The following PRKCE variants were observed in gnomAD, a reference collection of about 807,000 sequenced individuals.
PRKCE encodes the protein protein kinase C epsilon type.
A neutral mutation model predicts 85.4 loss-of-function variants in PRKCE; 16 were observed. The observed-to-expected ratio is 0.19, with a 90% CI of 0.13 to 0.28. The LOEUF is 0.28. PRKCE is among the 10% of genes least tolerant of loss of function. The probability of loss-of-function intolerance (pLI) is 1.00; values close to 1 mark genes in which losing one functional copy is unlikely to be tolerated. For synonymous variants in PRKCE, 388 were observed against 371.5 expected, an observed-to-expected ratio of 1.04 and a Z score of -0.51; for missense variants, 573 against 975.2, an observed-to-expected ratio of 0.59 and a Z score of 5.49.
rs35676949 is a variant in PRKCE, at chr2:46,151,280, TACACACACACACAC to T, written c.1920+82_1920+95del. 6.0e-4 allele frequency: 334 copies of T among 559,140 alleles called. No homozygotes were observed. The Middle Eastern group carries it at 6.1e-3, about 10-fold the overall frequency. 34.6% of individuals were successfully genotyped at this position (559,140 alleles called of 1,614,324 possible). A position where few individuals can be genotyped will look rare whatever the true frequency, so the allele number is the denominator to read the frequency against. ...CTGTGCTCTCCTGGGCTCCTCCCCCTACACACACACACACACACACACACACACACACACACACA... is the reference window on the plus strand; with the variant it reads ...CTGTGCTCTCCTGGGCTCCTCCCCCTACACACACACACACACACACACACA... On this transcript the variant is annotated intron_variant, in intron 13 of 14. Transcript: ENST00000306156.
At chr2:45,894,421 G>C (rs1389416720) in intron 2 of PRKCE, among the ~76,000 whole-genome samples, 3 of 150,928 alleles carry the variant, frequency 2.0e-5, no homozygotes, top group Non-Finnish European at 4.4e-5. Context: ...ACTTAAGATA[G>C]AGGGCAAACT....
At chr2:45,744,418 TTTCTTTCTTTCTTTCTTTC>T (rs1682870405) in intron 1 of PRKCE, among the ~76,000 whole-genome samples, 1 of 10,210 alleles carries the variant, frequency 9.8e-5, no homozygotes, top group East Asian at 0.014. Flanking sequence ...TTTTCTTTTC[TTTCTTTCTTTCTTTCTTTC>T]TTTCTTTCTT....
intron 1 of PRKCE, among the ~76,000 whole-genome samples, chr2:45,772,287 A>T (rs1289981767): frequency 2.0e-5 from 3 of 152,080 alleles, no homozygotes; most frequent in African/African-American, 7.2e-5. Context: ...ATAAAAAAAA[A>T]AAAAGCCAGA....
intron 1 of PRKCE, among the ~76,000 whole-genome samples, chr2:45,744,527 TTTCTTTC>T (rs1558624158): frequency 0.026 from 835 of 31,740 alleles, 48 homozygotes; most frequent in East Asian, 0.11. Flanking sequence ...TTTCTTTCTT[TTTCTTTC>T]CTTCTTTCTT....
intron 11 of PRKCE, among the ~76,000 whole-genome samples, chr2:46,093,033 C>G (rs1670332116): frequency 6.6e-6 from 1 of 152,134 alleles, no homozygotes; most frequent in Non-Finnish European, 1.5e-5. Flanking sequence ...AGGACCTGAC[C>G]TTTAGAAAGT....
chr2:45,705,906 T>C (rs1398509436), intron 1 of PRKCE, among the ~76,000 whole-genome samples: 1 of 152,178 alleles, frequency 6.6e-6, no homozygotes, highest in African/African-American at 2.4e-5. Flanking sequence ...CTGAAGATGA[T>C]TGTAACCTGG....
At chr2:45,837,965 G>A (rs1051672575) in intron 1 of PRKCE, among the ~76,000 whole-genome samples, 1 of 152,194 alleles carries the variant, frequency 6.6e-6, no homozygotes, top group African/African-American at 2.4e-5. Context: ...GTAAACGGCT[G>A]AGCACCACCC....
intron 2 of PRKCE, among the ~76,000 whole-genome samples, chr2:45,952,821 T>C (rs1012766425): frequency 3.9e-5 from 6 of 152,234 alleles, no homozygotes; most frequent in Admixed American, 3.9e-4. Flanking sequence ...TAGGCTATTA[T>C]GTGCCATGTC....
intron 1 of PRKCE, among the ~76,000 whole-genome samples, chr2:45,785,170 C>T (rs1428533766): frequency 1.3e-5 from 2 of 152,156 alleles, no homozygotes; most frequent in Non-Finnish European, 2.9e-5. Context: ...TGTATTATAG[C>T]ATTTTTCTTT....
At chr2:46,078,825 A>T (rs1668785559) in intron 10 of PRKCE, 1 of 152,182 alleles carries the variant, frequency 6.6e-6, no homozygotes, top group Non-Finnish European at 1.5e-5. Context: ...GTTCAGCTTT[A>T]TCTGAAACAA....
chr2:45,652,816 C>A lies in PRKCE; in HGVS notation c.348+368C>A, dbSNP rs1471397275. Among the ~76,000 whole-genome samples, 1 of 152,096 alleles carries A rather than the reference C, an allele frequency of 6.6e-6. No individual in the cohort carries two copies. Among genetic ancestry groups the A allele is most frequent in the Non-Finnish European group, 1.5e-5 (1 of 67,982 alleles). Reference sequence around the variant, plus strand: ...TGTGTGTGATTGTGTGTGGGTGGGTCCCTCCGTCCTTGGAAAGGCACGTGG... The same window carrying A: ...TGTGTGTGATTGTGTGTGGGTGGGTACCTCCGTCCTTGGAAAGGCACGTGG... On this transcript the variant is annotated intron_variant, in intron 1 of 14. Coordinates refer to ENST00000306156, the MANE Select transcript of PRKCE (RefSeq NM_005400.3). The surrounding 1 kb of genome is among the most constrained non-coding windows in gnomAD (Gnocchi z 7.7).
At chr2:46,046,283 C>T (rs1481292400) in intron 10 of PRKCE, among the ~76,000 whole-genome samples, 2 of 152,228 alleles carry the variant, frequency 1.3e-5, no homozygotes, top group Non-Finnish European at 2.9e-5. Flanking sequence ...CTCCACCAGA[C>T]TCAGCATGCT....
chr2:45,658,822 T>C (rs1415959139), intron 1 of PRKCE, among the ~76,000 whole-genome samples: 1 of 152,216 alleles, frequency 6.6e-6, no homozygotes, highest in East Asian at 1.9e-4. Flanking sequence ...AAGTCTTACA[T>C]ACTCTAAAAA....
intron 10 of PRKCE, among the ~76,000 whole-genome samples, chr2:46,037,848 G>A (rs1329062137): frequency 6.6e-6 from 1 of 152,218 alleles, no homozygotes; most frequent in Non-Finnish European, 1.5e-5. Context: ...TGCCTTTGAA[G>A]CTGGATACAT....
intron 1 of PRKCE, among the ~76,000 whole-genome samples, chr2:45,737,576 G>A (rs926112373): frequency 6.6e-6 from 1 of 152,028 alleles, no homozygotes; most frequent in Non-Finnish European, 1.5e-5. Context: ...CTCTTTCCAG[G>A]TGTATCCTCT....
rs374627663 is a variant in PRKCE, at chr2:46,025,824, C to T, written c.1437+15307C>T. Among the ~76,000 whole-genome samples, 22 of 152,298 alleles carry T rather than the reference C, an allele frequency of 1.4e-4. No individual in the cohort carries two copies. The East Asian group carries it at 4.2e-3, about 29-fold the overall frequency. On this transcript the variant is annotated intron_variant, in intron 10 of 14. Transcript: ENST00000306156. ...GGCAGATCTGGATGTTTGTGTAGTT[C>T]AGATCCATTTAGCTCCCTGGCCAGT...
At chr2:46,144,887 C>A (rs1675917855) in intron 11 of PRKCE, among the ~76,000 whole-genome samples, 1 of 152,154 alleles carries the variant, frequency 6.6e-6, no homozygotes, top group African/African-American at 2.4e-5. Context: ...GAAGTTCCTC[C>A]CTCTTGCTGA....
chr2:45,784,420 A>AT (rs1440517883), intron 1 of PRKCE, among the ~76,000 whole-genome samples: 1 of 152,246 alleles, frequency 6.6e-6, no homozygotes, highest in Non-Finnish European at 1.5e-5. Flanking sequence ...AGCTTAAAAG[A>AT]TAATCAGATT....
intron 9 of PRKCE, among the ~76,000 whole-genome samples, chr2:46,008,171 GT>G (rs1705364125): frequency 6.6e-6 from 1 of 152,184 alleles, no homozygotes. Context: ...TAAATGTTCT[GT>G]TTATCCTTTA....
Sources: allele counts gnomAD v4.1 joint callset (sites outside exome capture counted in the v4.1 genomes callset), GRCh38; gene constraint gnomAD v4.1.1; non-coding constraint Gnocchi (gnomAD v3.1); transcripts MANE v1.5; gene names NCBI Gene and HGNC (gene_info 2026-07-23, HGNC 2026-07-21).